The following ADAM12 variants were observed in gnomAD, a reference collection of about 807,000 sequenced individuals.
ADAM12 encodes ADAM metallopeptidase domain 12.
Under a neutral mutation model 106.4 loss-of-function variants are expected in ADAM12, and 70 were observed. The observed-to-expected ratio is 0.66, with a 90% CI of 0.54 to 0.80. The LOEUF is 0.80. ADAM12 is among the 30% of genes least tolerant of loss of function. The probability of loss-of-function intolerance (pLI) is 0.00; values close to 1 mark genes in which losing one functional copy is unlikely to be tolerated. For missense variants in ADAM12, 1,010 were observed against 1,171.9 expected, an observed-to-expected ratio of 0.86 and a Z score of 2.02; for synonymous variants, 420 against 433.5, an observed-to-expected ratio of 0.97 and a Z score of 0.39.
At chr10:126,128,990 G>A (rs1437204528) in intron 5 of ADAM12, among the ~76,000 whole-genome samples, 1 of 152,244 alleles carries the variant, frequency 6.6e-6, no homozygotes, top group Non-Finnish European at 1.5e-5. Flanking sequence ...AGGACACCTC[G>A]TGCTCAGGTG....
At chr10:126,148,760 G>A (rs909023423) in intron 4 of ADAM12, among the ~76,000 whole-genome samples, 2 of 152,144 alleles carry the variant, frequency 1.3e-5, no homozygotes, top group Non-Finnish European at 2.9e-5. Context: ...GAGGCTTCTG[G>A]TATATTCTGG....
At position 126,141,521 on chromosome 10, in the gene ADAM12, C is replaced by G. The variant is rs114415644; in HGVS notation, c.340-5861G>C. Among the ~76,000 whole-genome samples, 1,467 of 152,292 alleles carry G rather than the reference C, an allele frequency of 9.6e-3. 17 individuals are homozygous for G. Among genetic ancestry groups the G allele is most frequent in the African/African-American group, 0.03 (1,232 of 41,548 alleles). On this transcript the variant is annotated intron_variant, in intron 4 of 22. Transcript: ENST00000448723. ...TATATACTTATTACTTAACCTAATGCATTTTCCCACTCCAGTAGAACAACT... is the reference window on the plus strand; with the variant it reads ...TATATACTTATTACTTAACCTAATGGATTTTCCCACTCCAGTAGAACAACT...
chr10:126,330,282 TTCCATTC>T, intron 2 of ADAM12, 123 bp downstream of exon 2: 2 of 785,110 alleles, frequency 2.5e-6, no homozygotes, highest in Non-Finnish European at 4.0e-6. Context: ...AGAATAAAGC[TTCCATTC>T]TCTAAGGATA....
chr10:126,100,661 G>C (rs1955646641), intron 9 of ADAM12, among the ~76,000 whole-genome samples: 1 of 152,162 alleles, frequency 6.6e-6, no homozygotes, highest in Non-Finnish European at 1.5e-5. Context: ...GTTGCAGTGA[G>C]CTGAGATCAT....
At chr10:126,019,590 A>T (rs1404661314) in intron 22 of ADAM12, 105 bp downstream of exon 22, 2 of 1,414,422 alleles carry the variant, frequency 1.4e-6, no homozygotes, top group African/African-American at 2.9e-5. Context: ...GGGGAGCAGG[A>T]AGCACGGCCT....
At chr10:126,288,643 TG>T (rs1237879898) in intron 2 of ADAM12, among the ~76,000 whole-genome samples, 10 of 150,988 alleles carry the variant, frequency 6.6e-5, no homozygotes, top group Non-Finnish European at 1.5e-4. Flanking sequence ...GACAGGACCA[TG>T]TGGTGACATG....
chr10:126,248,970 T>C (rs1958688470), intron 3 of ADAM12, among the ~76,000 whole-genome samples: 1 of 152,114 alleles, frequency 6.6e-6, no homozygotes, highest in African/African-American at 2.4e-5. Flanking sequence ...CCTCCTGAAG[T>C]GCTGGGATTA....
At chr10:126,299,682 T>G (rs556291543) in intron 2 of ADAM12, among the ~76,000 whole-genome samples, 30 of 152,246 alleles carry the variant, frequency 2.0e-4, no homozygotes, top group African/African-American at 7.2e-4. Context: ...CTCACTCTGT[T>G]GCCCAGGCTG....
chr10:126,172,834 A>C (rs193256655), intron 3 of ADAM12, among the ~76,000 whole-genome samples: 1 of 152,232 alleles, frequency 6.6e-6, no homozygotes, highest in Non-Finnish European at 1.5e-5. Flanking sequence ...ATTGTTCACA[A>C]TAGCAAAGAC....
At chr10:126,318,265 C>T (rs571990587) in intron 2 of ADAM12, among the ~76,000 whole-genome samples, 1 of 151,992 alleles carries the variant, frequency 6.6e-6, no homozygotes, top group Non-Finnish European at 1.5e-5. Flanking sequence ...CTTATACATT[C>T]CCATACACTT....
chr10:126,305,555 T>C (rs1193464105), intron 2 of ADAM12, among the ~76,000 whole-genome samples: 3 of 152,090 alleles, frequency 2.0e-5, no homozygotes. Flanking sequence ...ATGTCTTGAT[T>C]TGGGTGACGG....
At chr10:126,050,276 C>T (rs1468862268) in intron 14 of ADAM12, among the ~76,000 whole-genome samples, 1 of 152,182 alleles carries the variant, frequency 6.6e-6, no homozygotes, top group Non-Finnish European at 1.5e-5. Flanking sequence ...TACAACATGA[C>T]GGTTCCCAGC....
chr10:126,262,263 C>G (rs773479242), intron 3 of ADAM12, among the ~76,000 whole-genome samples: 1 of 152,072 alleles, frequency 6.6e-6, no homozygotes, highest in Non-Finnish European at 1.5e-5. Context: ...AGAAATCCTA[C>G]TTTTTATATA....
chr10:126,095,406 C>T lies in ADAM12; in HGVS notation c.997-1273G>A, dbSNP rs928632452. Among the ~76,000 whole-genome samples the T allele has an allele frequency of 3.3e-5, 5 of 151,798 alleles. No homozygotes were observed. In the Middle Eastern group the frequency reaches 0.01, roughly 310 times the overall value. Reference sequence around the variant, plus strand: ...AAAACTAGCCGGGCGTGGTGGCGGGCGCCTGTAGTCCCAGCTACTCTGGAA... The same window carrying T: ...AAAACTAGCCGGGCGTGGTGGCGGGTGCCTGTAGTCCCAGCTACTCTGGAA... On this transcript the variant is annotated intron_variant, in intron 10 of 22. Coordinates refer to ENST00000448723, the MANE Select transcript of ADAM12 (RefSeq NM_001288973.2).
chr10:126,215,801 C>G (rs575290849), intron 3 of ADAM12, among the ~76,000 whole-genome samples: 10 of 152,228 alleles, frequency 6.6e-5, no homozygotes, highest in African/African-American at 2.4e-4. Flanking sequence ...GGCACAACAA[C>G]AGCTTTAAGG....
At chr10:126,070,260 G>A (rs1426022392) in intron 12 of ADAM12, 1 of 152,150 alleles carries the variant, frequency 6.6e-6, no homozygotes, top group Admixed American at 6.5e-5. Context: ...CTCATGGTGA[G>A]CAAAATTAGA....
intron 11 of ADAM12, chr10:126,090,943 T>C (rs1454762816): frequency 2.6e-5 from 4 of 152,248 alleles, no homozygotes; most frequent in Non-Finnish European, 2.9e-5. Context: ...TACTGATTCA[T>C]CTCTGAATCA....
chr10:126,030,689 T>A (rs1176089645), intron 21 of ADAM12, among the ~76,000 whole-genome samples: 1 of 152,216 alleles, frequency 6.6e-6, no homozygotes, highest in African/African-American at 2.4e-5. Flanking sequence ...CTTCCGTGGA[T>A]AACTGATACC....
chr10:126,340,218 G>T (rs879474245), intron 1 of ADAM12, among the ~76,000 whole-genome samples: 3 of 152,190 alleles, frequency 2.0e-5, no homozygotes, highest in Non-Finnish European at 4.4e-5. Context: ...CCTAAGAATG[G>T]ATTGTATAAA....
Sources: gnomAD v4.1 joint callset for allele counts (sites outside exome capture counted in the v4.1 genomes callset) on GRCh38, gnomAD v4.1.1 for gene constraint, MANE v1.5 for transcripts, NCBI Gene and HGNC (gene_info 2026-07-23, HGNC 2026-07-21) for gene names.